EPB41L4B: variants seen among roughly 807,000 people sequenced by gnomAD.
EPB41L4B encodes erythrocyte membrane protein band 4.1 like 4B, also known as band 4.1-like protein 4B.
A neutral mutation model predicts 112.5 loss-of-function variants in EPB41L4B; 30 were observed. The observed-to-expected ratio is 0.27, with a 90% confidence interval of 0.20 to 0.36. EPB41L4B has a LOEUF of 0.36. Ranked by LOEUF, EPB41L4B falls within the 10% of genes least tolerant of loss-of-function variation. The pLI is 1.00. For missense variants in EPB41L4B, 1,024 were observed against 1,133.3 expected, an observed-to-expected ratio of 0.90 and a Z score of 1.38; for synonymous variants, 408 against 439.7, an observed-to-expected ratio of 0.93 and a Z score of 0.90.
chr9:109,239,163 T>C (rs549015258), intron 15 of EPB41L4B, among the ~76,000 whole-genome samples: 9 of 152,266 alleles, frequency 5.9e-5, no homozygotes, highest in Admixed American at 2.0e-4. Context: ...ATGGGATCCA[T>C]GCCAGTAAGA....
At chr9:109,206,703 A>C (rs1833003055) in intron 18 of EPB41L4B, among the ~76,000 whole-genome samples, 1 of 152,204 alleles carries the variant, frequency 6.6e-6, no homozygotes, top group Non-Finnish European at 1.5e-5. Flanking sequence ...TTATGAGTTC[A>C]AGTGGGAGAA....
At chr9:109,176,042 ACACACACG>A (rs201391454) in intron 25 of EPB41L4B, among the ~76,000 whole-genome samples, 10,569 of 32,172 alleles carry the variant, frequency 0.33, 454 homozygotes, top group African/African-American at 0.48. Context: ...TGTCAATATC[ACACACACG>A]CACACACACA....
chr9:109,231,100 A>G (rs1000500431), intron 15 of EPB41L4B, among the ~76,000 whole-genome samples: 1 of 150,754 alleles, frequency 6.6e-6, no homozygotes, highest in Non-Finnish European at 1.5e-5. Flanking sequence ...TGGAGGTTGC[A>G]GTGAGCCAAG....
rs182887195 is a variant in EPB41L4B at position 109,194,170 on chromosome 9, G to C, written c.2223+50C>G. On this transcript the variant is annotated intron_variant, in intron 21 of 25. Coordinates refer to ENST00000374566, the MANE Select transcript of EPB41L4B (RefSeq NM_019114.5). ...AGATGCTACTCAGTAAATTGATACT[G>C]AATTCCCAGCAAGTGTGGCTGCTCG... The C allele has an allele frequency of 5.7e-3, 9,026 of 1,581,026 alleles. 38 individuals are homozygous for C. Among genetic ancestry groups the C allele is most frequent in the Non-Finnish European group, 6.8e-3 (7,930 of 1,159,338 alleles).
chr9:109,223,334 CT>C (rs1833656941), intron 15 of EPB41L4B, among the ~76,000 whole-genome samples: 1 of 150,814 alleles, frequency 6.6e-6, no homozygotes, highest in South Asian at 2.1e-4. Context: ...ACTCAGGAGG[CT>C]TAGATGGAGA....
chr9:109,237,495 T>C (rs548132032), intron 15 of EPB41L4B, among the ~76,000 whole-genome samples: 79 of 152,316 alleles, frequency 5.2e-4, no homozygotes, highest in Non-Finnish European at 9.0e-4. Flanking sequence ...CCAGAAGACA[T>C]TGTTCATTTG....
chr9:109,313,716 C>T (rs190357300), intron 1 of EPB41L4B, among the ~76,000 whole-genome samples: 1 of 152,136 alleles, frequency 6.6e-6, no homozygotes, highest in Non-Finnish European at 1.5e-5. Context: ...GCACTGGGGG[C>T]TCCCCACCCC....
chr9:109,218,994 A>T (rs546011017), intron 15 of EPB41L4B, among the ~76,000 whole-genome samples: 6 of 152,254 alleles, frequency 3.9e-5, no homozygotes, highest in Non-Finnish European at 8.8e-5. Flanking sequence ...AAAATGCAGA[A>T]GTGGAAGCAA....
At chr9:109,295,344 C>T (rs564303882) in intron 1 of EPB41L4B, among the ~76,000 whole-genome samples, 3 of 152,274 alleles carry the variant, frequency 2.0e-5, no homozygotes, top group African/African-American at 7.2e-5. Context: ...TAGAAGATTG[C>T]TGAGGGATAC....
chr9:109,207,368 G>A (rs190327290), intron 18 of EPB41L4B, among the ~76,000 whole-genome samples: 2 of 152,076 alleles, frequency 1.3e-5, no homozygotes, highest in Admixed American at 1.3e-4. Context: ...CCAGGAGTTC[G>A]AGACCAGCCT....
intron 24 of EPB41L4B, among the ~76,000 whole-genome samples, chr9:109,179,747 T>C (rs545098551): frequency 1.3e-5 from 2 of 152,272 alleles, no homozygotes; most frequent in East Asian, 3.9e-4. Context: ...CCTCATCTAA[T>C]CCTGAATCTT....
intron 18 of EPB41L4B, among the ~76,000 whole-genome samples, chr9:109,207,398 T>C (rs1390062660): frequency 2.0e-5 from 3 of 151,964 alleles, no homozygotes; most frequent in Admixed American, 6.6e-5. Flanking sequence ...AGGAAAACCC[T>C]GTCTCTATAA....
At chr9:109,272,884 C>T (rs1835674971) in intron 2 of EPB41L4B, among the ~76,000 whole-genome samples, 1 of 152,172 alleles carries the variant, frequency 6.6e-6, no homozygotes, top group Non-Finnish European at 1.5e-5. Context: ...CACATCCATC[C>T]TCTGACTAAG....
intron 1 of EPB41L4B, among the ~76,000 whole-genome samples, chr9:109,314,222 G>C (rs1452993348): frequency 6.6e-6 from 1 of 152,228 alleles, no homozygotes. Context: ...GGCAAGGATG[G>C]AACACGTGTT....
At chr9:109,265,176 A>G (rs1835354784) in intron 4 of EPB41L4B, 152 bp from the exon 5 acceptor site, 2 of 629,786 alleles carry the variant, frequency 3.2e-6, no homozygotes. Context: ...TGGTGGAAGC[A>G]TCTCCTCTTG....
chr9:109,246,126 G>C (rs751153827), intron 14 of EPB41L4B, among the ~76,000 whole-genome samples: 1 of 152,206 alleles, frequency 6.6e-6, no homozygotes, highest in Non-Finnish European at 1.5e-5. Context: ...CCCTGGCCGG[G>C]CACGGTGGCT....
chr9:109,263,598 A>G (rs1374150147), intron 5 of EPB41L4B, among the ~76,000 whole-genome samples: 1 of 152,262 alleles, frequency 6.6e-6, no homozygotes, highest in East Asian at 1.9e-4. Context: ...GCACAGCCAT[A>G]GAAGAGTACT....
rs539339681 is a variant in EPB41L4B, at chr9:109,268,516, C to G, written c.412-83G>C. ...CTCACAGTTACCCTCCTCTAAAAGCCTTAGTAATTCTACCCACAAAAACCA... is the reference window on the plus strand; with the variant it reads ...CTCACAGTTACCCTCCTCTAAAAGCGTTAGTAATTCTACCCACAAAAACCA... On this transcript the variant is annotated intron_variant, in intron 2 of 25. Transcript: ENST00000374566. 8 of 1,245,670 alleles carry G rather than the reference C, an allele frequency of 6.4e-6. No homozygotes were observed. In the African/African-American group the frequency reaches 1.2e-4, roughly 19 times the overall value. The allele number at this position is 1,245,670 out of a possible 1,614,324, so 77.2% of individuals were successfully genotyped here.
At chr9:109,306,128 C>T (rs1837181197) in intron 1 of EPB41L4B, among the ~76,000 whole-genome samples, 1 of 152,146 alleles carries the variant, frequency 6.6e-6, no homozygotes, top group African/African-American at 2.4e-5. Flanking sequence ...GGGCCAAAAT[C>T]TTACTGGTGA....
Sources: gnomAD v4.1 joint callset for allele counts (sites outside exome capture counted in the v4.1 genomes callset) on GRCh38, gnomAD v4.1.1 for gene constraint, MANE v1.5 for transcripts, NCBI Gene and HGNC (gene_info 2026-07-23, HGNC 2026-07-21) for gene names.